The following ALOX12 variants were observed in gnomAD, a reference collection of about 807,000 sequenced individuals.
The protein encoded by ALOX12 is polyunsaturated fatty acid lipoxygenase ALOX12.
In ALOX12, 62 loss-of-function variants were observed where a neutral mutation model predicts 85.5. That is an observed-to-expected ratio of 0.73 (90% CI 0.59 to 0.90). The LOEUF (loss-of-function observed/expected upper bound fraction) is 0.90, where lower values mean the gene tolerates loss of function less well. Ranked by LOEUF, ALOX12 falls within the 40% of genes least tolerant of loss-of-function variation. ALOX12 has a pLI of 0.00. For missense variants in ALOX12, 751 were observed against 856.5 expected, an observed-to-expected ratio of 0.88 and a Z score of 1.54; for synonymous variants, 299 against 332.7, an observed-to-expected ratio of 0.90 and a Z score of 1.10.
rs201439233 is a variant in ALOX12 at position 7,003,583 on chromosome 17, T to C, written c.1162-1674T>C. On this transcript the variant is annotated intron_variant, in intron 8 of 13. Transcript: ENST00000251535. ...CTGGGACTACAGGTGTGCACCACCA[T>C]GCCTGGCTAATTTTTTTTATTTTTT... is the stretch of plus-strand genomic sequence containing the variant. Among the ~76,000 whole-genome samples the C allele has an allele frequency of 2.6e-5, 4 of 152,184 alleles. No individual in the cohort carries two copies. The East Asian group carries it at 7.7e-4, about 29-fold the overall frequency.
At chr17:6,996,363 G>A in intron 1 of ALOX12, 111 bp downstream of exon 1, 1 of 1,140,330 alleles carries the variant, frequency 8.8e-7, no homozygotes, top group East Asian at 3.4e-5. Context: ...GTGACAGCGC[G>A]ACCTCGCGGA....
At chr17:7,005,472 G>GTTT in intron 9 of ALOX12, 129 bp downstream of exon 9, 8 of 322,400 alleles carry the variant, frequency 2.5e-5, no homozygotes, top group South Asian at 7.0e-5. Flanking sequence ...TTATACCCAT[G>GTTT]TCTTTTTTTT....
intron 11 of ALOX12, among the ~76,000 whole-genome samples, chr17:7,007,256 A>G (rs938044630): frequency 1.3e-5 from 2 of 151,324 alleles, no homozygotes; most frequent in African/African-American, 4.9e-5. Context: ...GTCAACTCTC[A>G]CTCCCCACAT....
At position 6,998,512 on chromosome 17, in the gene ALOX12, G is replaced by T. The variant is rs148560839; in HGVS notation, c.341G>T (p.Arg114Leu). 9.4e-5 allele frequency: 152 copies of T among 1,611,712 alleles called. No homozygotes were observed. The highest frequency in any genetic ancestry group is 5.0e-4 in the Middle Eastern group (3 of 6,056). The change falls in exon 3 of 14, where the codon CGC (arginine) becomes CTC (leucine). Residue 114 changes from arginine to leucine, a missense_variant. Physicochemically the swap from Arg to Leu is moderately radical, Grantham distance 102. Coordinates refer to ENST00000251535, the MANE Select transcript of ALOX12 (RefSeq NM_000697.3). ...AATTGTCTTGATGTCTCCCCAGCCC[G>T]CCTGCCAGGAGACAATGCTTTGGAC... ...DILSLPEGTARLPGDNALDMF... is the reference protein window; with the variant it reads ...DILSLPEGTALLPGDNALDMF...
At chr17:6,996,295 G>A (rs919898022) in intron 1 of ALOX12, 43 bp downstream of exon 1, 7 of 1,221,852 alleles carry the variant, frequency 5.7e-6, no homozygotes, top group South Asian at 4.1e-5. Context: ...CGGGGACCCC[G>A]GGCCCAGGCC....
Position 6,996,877 on chromosome 17 carries a change from G to A in ALOX12, c.187G>A (p.Val63Met). The stretch of plus-strand genomic sequence containing the variant: ...AGAGGACTTGGGGCTCCTGCAGTTC[G>A]TGAGGCTGCGCAAGCACCACTGGCT... ...VAEDLGLLQF[V>M]RLRKHHWLVD... Residue 63 changes from valine (V) to methionine (M), a missense_variant, in exon 2 of 14, where the codon GTG becomes ATG. Transcript: ENST00000251535. 2 of 1,614,008 alleles carry A rather than the reference G, an allele frequency of 1.2e-6. No homozygotes were observed. The highest frequency in any genetic ancestry group is 1.3e-5 in the African/African-American group (1 of 75,064).
Position 7,000,723 on chromosome 17 carries a change from G to A in ALOX12, c.951+244G>A. ...TCCAATGGTCCTCACACTTCAGTGT[G>A]CATCAGAATCACCTGAATGCCTGTT... On this transcript the variant is annotated intron_variant, in intron 7 of 13. Coordinates refer to ENST00000251535, the MANE Select transcript of ALOX12 (RefSeq NM_000697.3). This position sits in a 1 kb window ranked among gnomAD's most constrained non-coding sequence, Gnocchi z 4.6. Among the ~76,000 whole-genome samples, 1 of 152,166 alleles carries A rather than the reference G, an allele frequency of 6.6e-6. No individual in the cohort carries two copies. The highest frequency in any genetic ancestry group is 1.9e-4 in the East Asian group (1 of 5,184).
chr17:7,000,413 C>T lies in ALOX12; in HGVS notation c.885C>T (p.Tyr295=). 6.2e-7 allele frequency: 1 copy of T among 1,614,158 alleles called. No homozygotes were observed. The highest frequency in any genetic ancestry group is 8.5e-7 in the Non-Finnish European group (1 of 1,180,014). Residue 295 remains tyrosine, a synonymous_variant, in exon 7 of 14, where the codon TAC becomes TAT. Transcript: ENST00000251535. The surrounding 1 kb of genome is among the most constrained non-coding windows in gnomAD (Gnocchi z 4.6). The part of the protein sequence containing the change: ...PANVIRGEKQ[Y]LAAPLVMLKM... ...ACGTGATCCGAGGAGAGAAGCAATA[C>T]CTGGCTGCCCCCCTCGTTATGCTGA...
intron 9 of ALOX12, among the ~76,000 whole-genome samples, chr17:7,005,653 A>G (rs889123706): frequency 3.8e-4 from 57 of 151,170 alleles, no homozygotes; most frequent in Non-Finnish European, 7.7e-4. Flanking sequence ...GCTAATTTTT[A>G]TATTTTTAGT....
chr17:6,997,248 GGAGT>G, intron 2 of ALOX12: 1 of 639,548 alleles, frequency 1.6e-6, no homozygotes, highest in South Asian at 6.9e-5. Context: ...CTGGAGGCAG[GGAGT>G]AAGTGATCTG....
chr17:7,004,415 T>G (rs1275405363), intron 8 of ALOX12, among the ~76,000 whole-genome samples: 1 of 120,014 alleles, frequency 8.3e-6, no homozygotes, highest in African/African-American at 2.8e-5. Context: ...ATTTTAATTT[T>G]AATTGCTTCA....
At chr17:7,006,731 G>A in intron 11 of ALOX12, 124 bp downstream of exon 11, 1 of 1,317,120 alleles carries the variant, frequency 7.6e-7, no homozygotes, top group Non-Finnish European at 1.0e-6. Context: ...CCTCCACACG[G>A]GAAAGCATGT....
chr17:6,996,887 G>C lies in ALOX12; in HGVS notation c.197G>C (p.Arg66Pro). 2 of 1,613,972 alleles carry C rather than the reference G, an allele frequency of 1.2e-6. No individual in the cohort carries two copies. The highest frequency in any genetic ancestry group is 1.7e-6 in the Non-Finnish European group (2 of 1,179,880). The part of the protein sequence containing the change: ...DLGLLQFVRL[R>P]KHHWLVDDAW... ...GGGCTCCTGCAGTTCGTGAGGCTGC[G>C]CAAGCACCACTGGCTGGTGGACGAC... Residue 66 changes from arginine to proline, a missense_variant, in exon 2 of 14, where the codon CGC becomes CCC. Physicochemically the swap from Arg to Pro is moderately radical, Grantham distance 103. Transcript: ENST00000251535.
chr17:7,002,953 G>A (rs1166418207), intron 8 of ALOX12, among the ~76,000 whole-genome samples: 4 of 151,992 alleles, frequency 2.6e-5, no homozygotes, highest in African/African-American at 9.7e-5. Flanking sequence ...TTCAGCTGGG[G>A]GCCTCCACCA....
chr17:7,004,238 TTTAAC>T (rs1399727404), intron 8 of ALOX12, among the ~76,000 whole-genome samples: 1 of 144,732 alleles, frequency 6.9e-6, no homozygotes, highest in Non-Finnish European at 1.5e-5. Context: ...TTAATATTAA[TTTAAC>T]TTAATTTAAT....
At chr17:7,003,948 C>T (rs773094308) in intron 8 of ALOX12, among the ~76,000 whole-genome samples, 12 of 151,846 alleles carry the variant, frequency 7.9e-5, no homozygotes, top group Non-Finnish European at 1.6e-4. Flanking sequence ...CTGCTTGAAA[C>T]CTGCATGTTA....
At chr17:7,009,281 G>C (rs543321524) in intron 11 of ALOX12, among the ~76,000 whole-genome samples, 3 of 151,058 alleles carry the variant, frequency 2.0e-5, no homozygotes, top group African/African-American at 7.3e-5. Context: ...GGATGGTCTC[G>C]ATCTCCTGAC....
In ALOX12 at chr17:7,009,401, TG is replaced by T. The variant is rs1909272217; in HGVS notation, c.1541-344del. ...ACCACTTTTTGAGGCAAGGGATATT[TG>T]GTCACTCAGAACTTTTCAGCCCCCA... On this transcript the variant is annotated intron_variant, in intron 11 of 13. Transcript: ENST00000251535. 1.7e-5 allele frequency: 4 copies of T among 229,230 alleles called. No homozygotes were observed. In the South Asian group the frequency reaches 1.9e-4, roughly 11 times the overall value. 14.2% of individuals were successfully genotyped at this position (229,230 alleles called of 1,614,324 possible). A position where few individuals can be genotyped will look rare whatever the true frequency, so the allele number is the denominator to read the frequency against.
chr17:6,999,429 T>A lies in ALOX12; in HGVS notation c.770T>A (p.Met257Lys). Reference protein sequence around the residue: ...LPSRLVLPSGMEELQAQLEKE... With the variant: ...LPSRLVLPSGKEELQAQLEKE... ...TCCAGGCTAGTGCTGCCCTCGGGGA[T>A]GGAAGAGCTTCAGGCTCAACTGGAG... Residue 257 changes from methionine (M) to lysine (K), a missense_variant, in exon 6 of 14, where the codon ATG becomes AAG. Coordinates refer to ENST00000251535, the MANE Select transcript of ALOX12 (RefSeq NM_000697.3). 3 of 1,614,150 alleles carry A rather than the reference T, an allele frequency of 1.9e-6. No homozygotes were observed. Among genetic ancestry groups the A allele is most frequent in the Non-Finnish European group, 2.5e-6 (3 of 1,179,998 alleles).
Sources: gnomAD v4.1 joint callset for allele counts (sites outside exome capture counted in the v4.1 genomes callset) on GRCh38, gnomAD v4.1.1 for gene constraint, Gnocchi (gnomAD v3.1) non-coding constraint, MANE v1.5 for transcripts, NCBI Gene and HGNC (gene_info 2026-07-23, HGNC 2026-07-21) for gene names.